Variants in APC2 observed in about 807,000 individuals in gnomAD.
APC2 encodes the protein APC regulator of Wnt signaling pathway 2, also known as adenomatous polyposis coli protein 2.
A neutral mutation model predicts 72.5 loss-of-function variants in APC2; 41 were observed. The observed-to-expected ratio is 0.57, with a 90% CI of 0.44 to 0.73. The LOEUF is 0.73. Among genes scored for constraint, APC2 ranks in the 30% least tolerant of loss-of-function variants. APC2 has a pLI of 0.00. For synonymous variants in APC2, 1,898 were observed against 1,612.0 expected (o/e 1.18, Z -4.25); for missense variants, 3,729 against 3,403.4 (o/e 1.10, Z -2.38).
Position 1,465,797 on chromosome 19 carries a change from C to T in APC2, c.2496C>T (p.Asp832=). 6.3e-7 allele frequency: 1 copy of T among 1,582,760 alleles called. No individual in the cohort carries two copies. Among genetic ancestry groups the T allele is most frequent in the Non-Finnish European group, 8.6e-7 (1 of 1,166,378 alleles). ...TRRGGKEAEK[D]TSGEAAVAAK... ...GAGGCGGCAAGGAGGCAGAGAAGGA[C>T]ACCAGTGGGGAGGCAGCCGTGGCGG... Residue 832 remains aspartate, a synonymous_variant, in exon 15 of 15, where the codon GAC becomes GAT. Coordinates refer to ENST00000590469, the MANE Select transcript of APC2 (RefSeq NM_005883.3).
Position 1,469,469 on chromosome 19 carries a change from G to C in APC2, c.6168G>C (p.Pro2056=). The C allele has an allele frequency of 8.0e-6, 9 of 1,123,048 alleles. No homozygotes were observed. Among genetic ancestry groups the C allele is most frequent in the Non-Finnish European group, 9.8e-6 (9 of 922,116 alleles). The allele number at this position is 1,123,048 out of a possible 1,614,324, so 69.6% of individuals were successfully genotyped here. ...LRAAPRQGPA[P]ARQRPPAARP... ...CGGCACCCCGGCAGGGCCCGGCCCCGGCCCGGCAGCGGCCCCCCGCGGCCC... is the reference window on the plus strand; with the variant it reads ...CGGCACCCCGGCAGGGCCCGGCCCCCGCCCGGCAGCGGCCCCCCGCGGCCC... The change falls in exon 15 of 15, where the codon CCG becomes CCC. Residue 2056 remains proline (P), a synonymous_variant. Coordinates refer to ENST00000590469, the MANE Select transcript of APC2 (RefSeq NM_005883.3).
In APC2 at chr19:1,468,929, C is replaced by G; in HGVS notation, c.5628C>G (p.Ser1876=). Residue 1876 remains serine (S), a synonymous_variant, in exon 15 of 15, where the codon TCC becomes TCG. Transcript: ENST00000590469. The stretch of plus-strand genomic sequence containing the variant: ...TCGCCAAGACCCCCTCCTCCAGCTC[C>G]TCCCAGACCTCGCCCGCCTCCCAGC... ...ARLAKTPSSS[S]SQTSPASQPL... 1 of 1,536,928 alleles carries G rather than the reference C, an allele frequency of 6.5e-7. No homozygotes were observed. Among genetic ancestry groups the G allele is most frequent in the Non-Finnish European group, 8.7e-7 (1 of 1,148,242 alleles).
At position 1,460,174 on chromosome 19, in the gene APC2, C is replaced by T. The variant is rs1342776482; in HGVS notation, c.1304-7C>T. The T allele has an allele frequency of 6.2e-7, 1 of 1,613,206 alleles. No homozygotes were observed. The highest frequency in any genetic ancestry group is 1.7e-5 in the Admixed American group (1 of 60,020). ...TGCCACCCACCAACCTTGTTGGGTCCTCACAGGTGGGCTGCAGGCCGTGGC... is the reference window on the plus strand; with the variant it reads ...TGCCACCCACCAACCTTGTTGGGTCTTCACAGGTGGGCTGCAGGCCGTGGC... On this transcript the variant is annotated splice_polypyrimidine_tract_variant and splice_region_variant and intron_variant, in intron 10 of 14. Coordinates refer to ENST00000590469, the MANE Select transcript of APC2 (RefSeq NM_005883.3).
In APC2 at chr19:1,465,990, G is replaced by T; in HGVS notation, c.2689G>T (p.Gly897Cys). ...CGCCCAGTCCTGCTCGCCATGCCGC[G>T]GCCCGGAGGGCGGGCGGCGAGAGGC... is the stretch of plus-strand genomic sequence containing the variant. ...GRAQSCSPCR[G>C]PEGGRREAGS... Residue 897 changes from glycine (G) to cysteine (C), a missense_variant, in exon 15 of 15, where the codon GGC (glycine) becomes TGC (cysteine). Gly to Cys is a radical substitution (Grantham distance 159, BLOSUM62 -3). Coordinates refer to ENST00000590469, the MANE Select transcript of APC2 (RefSeq NM_005883.3). 2.0e-6 allele frequency: 3 copies of T among 1,515,008 alleles called. No individual in the cohort carries two copies. Among genetic ancestry groups the T allele is most frequent in the Middle Eastern group, 1.7e-4 (1 of 5,768 alleles). The allele number at this position is 1,515,008 out of a possible 1,614,324, so 93.8% of individuals were successfully genotyped here. A position where few individuals can be genotyped will look rare whatever the true frequency, so the allele number is the denominator to read the frequency against.
In APC2 at chr19:1,452,602, G is replaced by A; in HGVS notation, c.-18-382G>A. On this transcript the variant is annotated intron_variant, in intron 1 of 14. Coordinates refer to ENST00000590469, the MANE Select transcript of APC2 (RefSeq NM_005883.3). The surrounding 1 kb of genome is among the most constrained non-coding windows in gnomAD (Gnocchi z 5.1). ...CTGGGGGTGCTGGGCTGGCCAGTCG[G>A]CTTGCTGGGTTAGGCTGTCCCAGCT... 1 of 194,146 alleles carries A rather than the reference G, an allele frequency of 5.2e-6. No homozygotes were observed. 12.0% of individuals were successfully genotyped at this position (194,146 alleles called of 1,614,324 possible).
At chr19:1,446,857 C>T (rs367556075), upstream of APC2, among the ~76,000 whole-genome samples, 14 of 152,370 alleles carry the variant, frequency 9.2e-5, no homozygotes, top group African/African-American at 3.1e-4. This position sits in a 1 kb window ranked among gnomAD's most constrained non-coding sequence, Gnocchi z 6.1. Context: ...CCCAGCGCTT[C>T]TCCAGCCTCC....
chr19:1,457,864 G>A (rs1250044007), intron 9 of APC2, 101 bp from the exon 10 acceptor site: 32 of 1,013,508 alleles, frequency 3.2e-5, no homozygotes, highest in Admixed American at 4.3e-5. Context: ...CAAAGCTCCC[G>A]GGATCCTTCA....
rs754634439 is a variant in APC2, at chr19:1,466,432, C to A, written c.3131C>A (p.Ala1044Glu). ...DHLSKVPEKL[A>E]AAPLSVASKA... ...CTGAGCAAGGTTCCCGAGAAGCTGG[C>A]GGCTGCCCCGCTGTCTGTGGCCAGC... is the stretch of plus-strand genomic sequence containing the variant. The change falls in exon 15 of 15, where the codon GCG (alanine) becomes GAG (glutamate). Residue 1044 changes from alanine to glutamate, a missense_variant. Coordinates refer to ENST00000590469, the MANE Select transcript of APC2 (RefSeq NM_005883.3). 1.3e-6 allele frequency: 2 copies of A among 1,596,868 alleles called. No individual in the cohort carries two copies. The highest frequency in any genetic ancestry group is 2.2e-5 in the East Asian group (1 of 44,832).
chr19:1,457,885 G>C (rs576210142), intron 9 of APC2, 80 bp from the exon 10 acceptor site: 5 of 1,210,030 alleles, frequency 4.1e-6, no homozygotes, highest in South Asian at 2.6e-5. Context: ...GGCCTGGGGC[G>C]GGCGGGTTGC....
At chr19:1,457,447 C>T (rs992783405) in intron 9 of APC2, 1 of 712,482 alleles carries the variant, frequency 1.4e-6, no homozygotes, top group African/African-American at 1.9e-5. Context: ...AGAGTAAACG[C>T]TCGGGAAGTC....
Position 1,457,112 on chromosome 19 carries a change from C to G in APC2, c.1076C>G (p.Pro359Arg), listed in dbSNP as rs765882050. The G allele has an allele frequency of 1.2e-5, 19 of 1,585,802 alleles. No individual in the cohort carries two copies. In the East Asian group the frequency reaches 2.5e-4, roughly 21 times the overall value. Residue 359 changes from proline to arginine, a missense_variant, in exon 9 of 15, where the codon CCG becomes CGG. Pro to Arg is a moderately radical substitution (Grantham distance 103). Transcript: ENST00000590469. ...AALHNIVFSQPDQGLARKEMR... is the reference protein window; with the variant it reads ...AALHNIVFSQRDQGLARKEMR... Reference sequence around the variant, plus strand: ...CTGCACAACATCGTCTTCTCGCAGCCGGACCAGGGCCTGGCGCGCAAGGAG... The same window carrying G: ...CTGCACAACATCGTCTTCTCGCAGCGGGACCAGGGCCTGGCGCGCAAGGAG...
chr19:1,457,684 C>T (rs1466780499), intron 9 of APC2: 1 of 538,862 alleles, frequency 1.9e-6, no homozygotes, highest in Non-Finnish European at 3.4e-6. Flanking sequence ...GACAACAGAG[C>T]GAGACCCTGT....
intron 9 of APC2, chr19:1,457,679 C>G (rs553399172): frequency 7.5e-5 from 40 of 536,020 alleles, no homozygotes; most frequent in Admixed American, 1.6e-4. Context: ...GTCTGGACAA[C>G]AGAGCGAGAC....
chr19:1,462,331 T>G (rs79741381), intron 14 of APC2, among the ~76,000 whole-genome samples, 154 bp downstream of exon 14: 17,368 of 152,154 alleles, frequency 0.11, 1,870 homozygotes, highest in African/African-American at 0.28. Flanking sequence ...CTGCGTGAGA[T>G]ATACTAAAAT....
chr19:1,470,564 G>A lies in APC2; in HGVS notation c.*351G>A. On this transcript the variant is annotated 3_prime_UTR_variant, in exon 15 of 15. Coordinates refer to ENST00000590469, the MANE Select transcript of APC2 (RefSeq NM_005883.3). ...AGGGAGGCGGTAGCCTCCGGGTCCGGGTCTGGGTCTGGGTCCGCTGCTTCG... is the reference window on the plus strand; with the variant it reads ...AGGGAGGCGGTAGCCTCCGGGTCCGAGTCTGGGTCTGGGTCCGCTGCTTCG... 1 of 208,326 alleles carries A rather than the reference G, an allele frequency of 4.8e-6. No individual in the cohort carries two copies. The highest frequency in any genetic ancestry group is 1.1e-4 in the East Asian group (1 of 9,408). 12.9% of individuals were successfully genotyped at this position (208,326 alleles called of 1,614,324 possible). A position where few individuals can be genotyped will look rare whatever the true frequency, so the allele number is the denominator to read the frequency against.
chr19:1,466,277 C>A lies in APC2; in HGVS notation c.2976C>A (p.Thr992=). The part of the protein sequence containing the change: ...EATSADARVR[T]IKLSPTYQHV... Reference sequence around the variant, plus strand: ...CCTCCGCCGACGCCCGCGTGCGCACCATCAAGCTGTCGCCTACCTATCAGC... The same window carrying A: ...CCTCCGCCGACGCCCGCGTGCGCACAATCAAGCTGTCGCCTACCTATCAGC... Residue 992 remains threonine, a synonymous_variant, in exon 15 of 15, where the codon ACC becomes ACA. Coordinates refer to ENST00000590469, the MANE Select transcript of APC2 (RefSeq NM_005883.3). 6.5e-7 allele frequency: 1 copy of A among 1,533,642 alleles called. No individual in the cohort carries two copies.
Position 1,468,614 on chromosome 19 carries a change from C to T in APC2, c.5313C>T (p.Pro1771=), listed in dbSNP as rs1031501073. The change falls in exon 15 of 15, where the codon CCC becomes CCT. Residue 1771 remains proline (P), a synonymous_variant. Coordinates refer to ENST00000590469, the MANE Select transcript of APC2 (RefSeq NM_005883.3). ...TSGSPRSPAG[P]EKPRGTQKTT... ...GGAGCCCCCGTTCCCCTGCAGGCCC[C>T]GAGAAGCCACGTGGCACACAGAAGA... 3.1e-6 allele frequency: 5 copies of T among 1,601,072 alleles called. No homozygotes were observed. Among genetic ancestry groups the T allele is most frequent in the Non-Finnish European group, 4.3e-6 (5 of 1,172,590 alleles).
At chr19:1,448,736 C>T (rs1259595358), upstream of APC2, among the ~76,000 whole-genome samples, 10 of 138,336 alleles carry the variant, frequency 7.2e-5, no homozygotes, top group African/African-American at 2.5e-4. Flanking sequence ...CCCAGCTACT[C>T]GGGAGGCTGA....
In APC2 at chr19:1,466,235, C is replaced by T; in HGVS notation, c.2934C>T (p.Pro978=). The T allele has an allele frequency of 6.5e-7, 1 of 1,537,574 alleles. No individual in the cohort carries two copies. ...ACCTGCCCGGCTGCCAGGCCGAGCC[C>T]CCGGCCCGCGAGGCCACCTCCGCCG... is the stretch of plus-strand genomic sequence containing the variant. The part of the protein sequence containing the change: ...DLDLPGCQAE[P]PAREATSADA... The change falls in exon 15 of 15, where the codon CCC becomes CCT. Residue 978 remains proline (P), a synonymous_variant. Coordinates refer to ENST00000590469, the MANE Select transcript of APC2 (RefSeq NM_005883.3).
Sources: gnomAD v4.1 joint callset for allele counts (sites outside exome capture counted in the v4.1 genomes callset) on GRCh38, gnomAD v4.1.1 for gene constraint, Gnocchi (gnomAD v3.1) non-coding constraint, MANE v1.5 for transcripts, NCBI Gene and HGNC (gene_info 2026-07-23, HGNC 2026-07-21) for gene names.